The following UGT2A2 variants were observed in gnomAD, a reference collection of about 807,000 sequenced individuals.
UGT2A2 encodes UDP-glucuronosyltransferase 2A2.
In UGT2A2, 60 loss-of-function variants were observed where a neutral mutation model predicts 50.7. The ratio of observed to expected loss-of-function variants is 1.18; its 90% CI spans 0.96 to 1.47. The LOEUF (loss-of-function observed/expected upper bound fraction) is 1.47, where lower values mean the gene tolerates loss of function less well. UGT2A2 is among the 40% of genes most tolerant of loss of function. The pLI, the probability that UGT2A2 is intolerant of heterozygous loss-of-function variation, is 0.00. For missense variants in UGT2A2, 762 were observed against 634.0 expected (o/e 1.20, Z -2.17); for synonymous variants, 242 against 214.6 (o/e 1.13, Z -1.11).
At chr4:69,632,614 G>A (rs1721448231) in intron 1 of UGT2A2, among the ~76,000 whole-genome samples, 2 of 152,106 alleles carry the variant, frequency 1.3e-5, no homozygotes, top group South Asian at 4.2e-4. Flanking sequence ...AACTGGCCAG[G>A]CACAATGACT....
intron 1 of UGT2A2, among the ~76,000 whole-genome samples, chr4:69,628,425 A>G (rs1721210635): frequency 6.6e-6 from 1 of 151,850 alleles, no homozygotes; most frequent in Admixed American, 6.6e-5. Context: ...AACAAAATGG[A>G]GAGTCTAGAA....
intron 1 of UGT2A2, among the ~76,000 whole-genome samples, chr4:69,623,421 A>G (rs28716091): frequency 0.35 from 53,284 of 151,632 alleles, 9,728 homozygotes; most frequent in African/African-American, 0.43. Flanking sequence ...ATAAAATGGG[A>G]TAGGGAAAAG....
chr4:69,612,309 T>A (rs1310246963), intron 1 of UGT2A2, among the ~76,000 whole-genome samples: 1 of 152,090 alleles, frequency 6.6e-6, no homozygotes, highest in Non-Finnish European at 1.5e-5. Flanking sequence ...ATCAGTATCG[T>A]TAAAATGGCC....
intron 1 of UGT2A2, among the ~76,000 whole-genome samples, chr4:69,607,941 G>A (rs1036619967): frequency 6.6e-5 from 10 of 152,298 alleles, no homozygotes; most frequent in South Asian, 4.1e-4. Context: ...AGAGGATGTC[G>A]AGAAATAGGA....
At chr4:69,599,549 G>T (rs918609605) in intron 1 of UGT2A2, 155 bp from the exon 2 acceptor site, 39 of 1,076,172 alleles carry the variant, frequency 3.6e-5, no homozygotes, top group Non-Finnish European at 4.4e-5. Context: ...AGAAGAAGGA[G>T]AAATTAAAGA....
intron 1 of UGT2A2, among the ~76,000 whole-genome samples, chr4:69,637,061 G>A (rs17618520): frequency 0.34 from 51,564 of 151,884 alleles, 9,002 homozygotes; most frequent in South Asian, 0.39. Context: ...TACAATTATT[G>A]TAGAACACAT....
intron 1 of UGT2A2, among the ~76,000 whole-genome samples, chr4:69,621,867 T>TG (rs1282521626): frequency 6.6e-6 from 1 of 151,666 alleles, no homozygotes; most frequent in African/African-American, 2.4e-5. Context: ...TAGATGGAGC[T>TG]GGGGGGAGGG....
intron 5 of UGT2A2, 128 bp downstream of exon 5, chr4:69,594,349 T>C: frequency 8.0e-7 from 1 of 1,257,242 alleles, no homozygotes; most frequent in Non-Finnish European, 1.1e-6. Flanking sequence ...AATAAAATAG[T>C]TTTTATATTG....
chr4:69,602,348 T>C (rs533866878), intron 1 of UGT2A2, among the ~76,000 whole-genome samples: 1 of 137,454 alleles, frequency 7.3e-6, no homozygotes, highest in South Asian at 2.4e-4. Context: ...GTAAGAGCAT[T>C]CTTATCAAGA....
At position 69,605,419 on chromosome 4, in the gene UGT2A2, G is replaced by A. The variant is rs1481671538; in HGVS notation, c.743-6025C>T. On this transcript the variant is annotated intron_variant, in intron 1 of 5. Coordinates refer to ENST00000604629, the MANE Select transcript of UGT2A2 (RefSeq NM_001105677.2). ...CCAGAATCTCTGGGACACATTCAAA[G>A]CAGTGTGTAGAGGGAAATTTATAGC... is the stretch of plus-strand genomic sequence containing the variant. 8.8e-5 allele frequency among the ~76,000 whole-genome samples: 12 copies of A among 136,884 alleles called. 1 individual carries two copies. The highest frequency in any genetic ancestry group is 1.7e-4 in the Non-Finnish European group (11 of 64,396). 89.8% of individuals were successfully genotyped at this position (136,884 alleles called of 152,430 possible).
rs976003338 is a variant in UGT2A2, at chr4:69,589,131, G to T, written c.*241C>A. On this transcript the variant is annotated 3_prime_UTR_variant, in exon 6 of 6. Coordinates refer to ENST00000604629, the MANE Select transcript of UGT2A2 (RefSeq NM_001105677.2). ...CCTTGTGTCAGAAAAGTGACAGGAA[G>T]AGGGTATAGTCAGCAGGGAGAGACA... 1 of 354,064 alleles carries T rather than the reference G, an allele frequency of 2.8e-6. No individual in the cohort carries two copies. The highest frequency in any genetic ancestry group is 4.9e-6 in the Non-Finnish European group (1 of 204,198). 21.9% of individuals were successfully genotyped at this position (354,064 alleles called of 1,614,324 possible).
At chr4:69,636,711 G>A (rs988276998) in intron 1 of UGT2A2, among the ~76,000 whole-genome samples, 2 of 152,064 alleles carry the variant, frequency 1.3e-5, no homozygotes, top group African/African-American at 4.8e-5. Flanking sequence ...TATAAAAAGG[G>A]TTTTATCATT....
Position 69,606,166 on chromosome 4 carries a change from A to T in UGT2A2, c.743-6772T>A, listed in dbSNP as rs1719599535. Among the ~76,000 whole-genome samples, 3 of 136,534 alleles carry T rather than the reference A, an allele frequency of 2.2e-5. 1 individual carries two copies. Among genetic ancestry groups the T allele is most frequent in the Non-Finnish European group, 4.7e-5 (3 of 64,220 alleles). 89.6% of individuals were successfully genotyped at this position (136,534 alleles called of 152,430 possible). ...TATCCCTGATGAACATCGAGGCAAA[A>T]ATCCTCAATAAAATACTGGCAAACC... On this transcript the variant is annotated intron_variant, in intron 1 of 5. Coordinates refer to ENST00000604629, the MANE Select transcript of UGT2A2 (RefSeq NM_001105677.2).
intron 2 of UGT2A2, among the ~76,000 whole-genome samples, chr4:69,597,910 T>C (rs1719035722): frequency 6.6e-6 from 1 of 152,148 alleles, no homozygotes; most frequent in Admixed American, 6.5e-5. Context: ...GATATTTATA[T>C]TGATTGAATA....
intron 5 of UGT2A2, among the ~76,000 whole-genome samples, chr4:69,591,698 A>C (rs1178722629): frequency 1.3e-5 from 2 of 152,156 alleles, no homozygotes; most frequent in Non-Finnish European, 2.9e-5. Context: ...GTTGGGTGAG[A>C]AGCTTAGAAT....
In UGT2A2 at chr4:69,634,449, C is replaced by G. The variant is rs531781638; in HGVS notation, c.742+4450G>C. 2.0e-5 allele frequency among the ~76,000 whole-genome samples: 3 copies of G among 152,022 alleles called. No homozygotes were observed. In the South Asian group the frequency reaches 6.3e-4, roughly 32 times the overall value. ...AGGAAACGGAGAGAAGCAATAAATA[C>G]AACACTGGGCCCAGAAAAGAAACTA... On this transcript the variant is annotated intron_variant, in intron 1 of 5. Coordinates refer to ENST00000604629, the MANE Select transcript of UGT2A2 (RefSeq NM_001105677.2).
Position 69,639,184 on chromosome 4 carries a change from A to C in UGT2A2, c.457T>G (p.Phe153Val), listed in dbSNP as rs902392333. Residue 153 changes from phenylalanine to valine, a missense_variant, in exon 1 of 6, where the codon TTT becomes GTT. Phe to Val is a conservative substitution (Grantham distance 50, BLOSUM62 -1). Coordinates refer to ENST00000604629, the MANE Select transcript of UGT2A2 (RefSeq NM_001105677.2). Reference sequence around the variant, plus strand: ...ACTGGGTCTGCTACCAACACATCAAAACCACCTTTCTGAAGTCTTGCCATC... The same window carrying C: ...ACTGGGTCTGCTACCAACACATCAACACCACCTTTCTGAAGTCTTGCCATC... ...KLMARLQKGG[F>V]DVLVADPVTI... 3 of 1,613,620 alleles carry C rather than the reference A, an allele frequency of 1.9e-6. No homozygotes were observed. The highest frequency in any genetic ancestry group is 1.3e-5 in the African/African-American group (1 of 74,892).
intron 1 of UGT2A2, among the ~76,000 whole-genome samples, chr4:69,612,206 A>G (rs1019331444): frequency 1.3e-5 from 2 of 152,062 alleles, no homozygotes; most frequent in African/African-American, 4.8e-5. Context: ...AAATATTAAT[A>G]TAATTATTTC....
intron 1 of UGT2A2, chr4:69,603,709 G>T (rs1207889428): frequency 7.3e-6 from 1 of 136,192 alleles, no homozygotes; most frequent in African/African-American, 3.0e-5. Flanking sequence ...CACCAATGAA[G>T]AAAAGCCCTT....
Sources: gnomAD v4.1 joint callset for allele counts (sites outside exome capture counted in the v4.1 genomes callset) on GRCh38, gnomAD v4.1.1 for gene constraint, MANE v1.5 for transcripts, NCBI Gene and HGNC (gene_info 2026-07-23, HGNC 2026-07-21) for gene names.